Variants in ULK4 observed in about 807,000 individuals in gnomAD.
ULK4 encodes the protein unc-51 like kinase 4, also known as inactive serine/threonine-protein kinase ULK4.
Under a neutral mutation model 160.6 loss-of-function variants are expected in ULK4, and 133 were observed. That is an observed-to-expected ratio of 0.83 (90% CI 0.72 to 0.96). ULK4 has a LOEUF of 0.96. Among genes scored for constraint, ULK4 ranks in the 40% least tolerant of loss-of-function variants. The pLI, the probability that ULK4 is intolerant of heterozygous loss-of-function variation, is 0.00. For synonymous variants in ULK4, 534 were observed against 539.8 expected, an observed-to-expected ratio of 0.99 and a Z score of 0.15; for missense variants, 1,580 against 1,499.5, an observed-to-expected ratio of 1.05 and a Z score of -0.89.
At chr3:41,860,639 G>A (rs2042478769) in intron 17 of ULK4, among the ~76,000 whole-genome samples, 1 of 152,086 alleles carries the variant, frequency 6.6e-6, no homozygotes, top group African/African-American at 2.4e-5. Flanking sequence ...GTTTCTTGTA[G>A]GCAACAATCA....
chr3:41,916,083 GA>G lies in ULK4; in HGVS notation c.728-32del, dbSNP rs761886198. The G allele has an allele frequency of 7.7e-6, 11 of 1,427,164 alleles. No individual in the cohort carries two copies. In the South Asian group the frequency reaches 1.3e-4, roughly 16 times the overall value. The allele number at this position is 1,427,164 out of a possible 1,614,324, so 88.4% of individuals were successfully genotyped here. A position where few individuals can be genotyped will look rare whatever the true frequency, so the allele number is the denominator to read the frequency against. ...AATGAATTAATTTCCAAGAAAAAAT[GA>G]TAAGTAGTAAATACATATCAATTTT... On this transcript the variant is annotated intron_variant, in intron 7 of 36. Coordinates refer to ENST00000301831, the MANE Select transcript of ULK4 (RefSeq NM_017886.4).
intron 34 of ULK4, among the ~76,000 whole-genome samples, chr3:41,449,672 T>A (rs1420396398): frequency 3.3e-5 from 5 of 151,968 alleles, no homozygotes; most frequent in Admixed American, 3.3e-4. Context: ...TCCACCACCA[T>A]TTGAAAAGAA....
At chr3:41,729,372 G>A (rs755886820) in intron 22 of ULK4, among the ~76,000 whole-genome samples, 1 of 152,196 alleles carries the variant, frequency 6.6e-6, no homozygotes, top group African/African-American at 2.4e-5. Flanking sequence ...AGGAGTTCAC[G>A]TGGCTGCACT....
At chr3:41,840,578 G>A (rs531276171) in intron 17 of ULK4, among the ~76,000 whole-genome samples, 131 of 152,354 alleles carry the variant, frequency 8.6e-4, no homozygotes, top group Non-Finnish European at 1.4e-3. Context: ...GTTTTGCCCT[G>A]TTGACCAGGC....
At chr3:41,601,611 T>C (rs867229900) in intron 31 of ULK4, among the ~76,000 whole-genome samples, 2 of 152,196 alleles carry the variant, frequency 1.3e-5, no homozygotes, top group Non-Finnish European at 1.5e-5. Context: ...GCTAACTGTA[T>C]ATATCCTTGA....
At chr3:41,931,604 A>C (rs1239679726) in intron 5 of ULK4, 9 of 422,562 alleles carry the variant, frequency 2.1e-5, no homozygotes, top group Non-Finnish European at 3.8e-5. Context: ...GTAAAACATA[A>C]AGCTGAGGAC....
At chr3:41,689,707 C>T (rs1209915460) in intron 27 of ULK4, among the ~76,000 whole-genome samples, 2 of 152,296 alleles carry the variant, frequency 1.3e-5, no homozygotes, top group East Asian at 3.9e-4. Flanking sequence ...CCATCACTGG[C>T]TATCAGAGAA....
intron 35 of ULK4, among the ~76,000 whole-genome samples, chr3:41,265,886 C>G (rs2079023025): frequency 6.6e-6 from 1 of 152,182 alleles, no homozygotes; most frequent in East Asian, 1.9e-4. Flanking sequence ...TTCTGCACAG[C>G]TTGGTGGTGA....
At chr3:41,845,392 A>C (rs11921993) in intron 17 of ULK4, among the ~76,000 whole-genome samples, 11,248 of 152,258 alleles carry the variant, frequency 0.074, 1,322 homozygotes, top group African/African-American at 0.25. Flanking sequence ...TTTCCAGAAA[A>C]TTACACCAAA....
At chr3:41,686,096 T>C (rs764252649) in intron 27 of ULK4, among the ~76,000 whole-genome samples, 1 of 152,200 alleles carries the variant, frequency 6.6e-6, no homozygotes, top group South Asian at 2.1e-4. Flanking sequence ...TTCTGGGTTC[T>C]AGACCAACGT....
intron 35 of ULK4, among the ~76,000 whole-genome samples, chr3:41,379,090 G>A (rs2081587878): frequency 6.6e-6 from 1 of 151,828 alleles, no homozygotes; most frequent in African/African-American, 2.4e-5. Context: ...GGCATTAGGA[G>A]AAACACCTAA....
intron 21 of ULK4, among the ~76,000 whole-genome samples, chr3:41,782,075 T>A (rs2039859304): frequency 6.6e-6 from 1 of 152,168 alleles, no homozygotes; most frequent in Non-Finnish European, 1.5e-5. Context: ...CATGCACACA[T>A]CCCTTGATAA....
intron 35 of ULK4, among the ~76,000 whole-genome samples, chr3:41,293,505 A>AT (rs2079613056): frequency 6.6e-6 from 1 of 152,166 alleles, no homozygotes; most frequent in African/African-American, 2.4e-5. Context: ...GGAGAACTAA[A>AT]TTCCCATACA....
chr3:41,643,851 A>G (rs561534391), intron 30 of ULK4, among the ~76,000 whole-genome samples: 42 of 152,074 alleles, frequency 2.8e-4, no homozygotes, highest in Non-Finnish European at 5.0e-4. Flanking sequence ...ATTTGTTTGT[A>G]TCCTCTTTTA....
At chr3:41,717,036 G>C (rs1172040827) in intron 23 of ULK4, among the ~76,000 whole-genome samples, 1 of 152,050 alleles carries the variant, frequency 6.6e-6, no homozygotes, top group Non-Finnish European at 1.5e-5. Flanking sequence ...GATAACAAAG[G>C]CTGAGAAGGG....
intron 27 of ULK4, among the ~76,000 whole-genome samples, chr3:41,694,834 G>A (rs2036433351): frequency 6.6e-6 from 1 of 152,048 alleles, no homozygotes; most frequent in Non-Finnish European, 1.5e-5. Flanking sequence ...TTTATCTGCT[G>A]TTGGTTGAAT....
intron 19 of ULK4, among the ~76,000 whole-genome samples, chr3:41,804,590 G>A (rs1280814127): frequency 6.6e-6 from 1 of 151,558 alleles, no homozygotes; most frequent in Non-Finnish European, 1.5e-5. Flanking sequence ...TGCCTAGGTT[G>A]TCTTCTAGGC....
chr3:41,541,625 G>T (rs925768012), intron 32 of ULK4, among the ~76,000 whole-genome samples: 1 of 152,104 alleles, frequency 6.6e-6, no homozygotes, highest in Non-Finnish European at 1.5e-5. Flanking sequence ...GGGAAGTATG[G>T]CCATTTTCAT....
At chr3:41,918,746 C>T (rs572773343) in intron 6 of ULK4, among the ~76,000 whole-genome samples, 15 of 152,002 alleles carry the variant, frequency 9.9e-5, no homozygotes, top group South Asian at 2.1e-4. Context: ...GGACCACAGG[C>T]GCACGCTGCC....
Sources: allele counts gnomAD v4.1 joint callset (sites outside exome capture counted in the v4.1 genomes callset), GRCh38; gene constraint gnomAD v4.1.1; transcripts MANE v1.5; gene names NCBI Gene and HGNC (gene_info 2026-07-23, HGNC 2026-07-21).